ALG5: variants seen among roughly 807,000 people sequenced by gnomAD.
The protein encoded by ALG5 is dolichyl-phosphate beta-glucosyltransferase.
Under a neutral mutation model 51.8 loss-of-function variants are expected in ALG5, and 26 were observed. The observed-to-expected ratio is 0.50, with a 90% CI of 0.37 to 0.70. The LOEUF is 0.70. Among genes scored for constraint, ALG5 ranks in the 30% least tolerant of loss-of-function variants. ALG5 has a pLI of 0.00. For missense variants in ALG5, 311 were observed against 399.3 expected (o/e 0.78, Z 1.88); for synonymous variants, 141 against 136.1 (o/e 1.04, Z -0.25).
At chr13:36,974,375 T>G (rs1388072109) in intron 6 of ALG5, among the ~76,000 whole-genome samples, 2 of 152,186 alleles carry the variant, frequency 1.3e-5, no homozygotes, top group East Asian at 3.9e-4. Flanking sequence ...TATAAAAAAT[T>G]TGCAAGTATA....
At chr13:36,997,020 G>C (rs550272037) in intron 1 of ALG5, among the ~76,000 whole-genome samples, 58 of 152,212 alleles carry the variant, frequency 3.8e-4, no homozygotes, top group Non-Finnish European at 6.0e-4. Context: ...ATTTTTTCTT[G>C]ATTAAAAAAC....
intron 8 of ALG5, among the ~76,000 whole-genome samples, chr13:36,955,686 GAA>G (rs35130767): frequency 0.023 from 843 of 36,358 alleles, 2 homozygotes; most frequent in African/African-American, 0.031. Context: ...CAGAGATTGT[GAA>G]AAAAAAAAAA....
rs869027711 is a variant in ALG5 at position 36,977,790 on chromosome 13, C to CAAAAAAAAAAAA, written c.562-5766_562-5755dup. Reference sequence around the variant, plus strand: ...CTGGGCGACAGAGTGAGACTGTCTCCAAAAAAAAAAAAAAAAAAAAAAAAC... The same window carrying CAAAAAAAAAAAA: ...CTGGGCGACAGAGTGAGACTGTCTCCAAAAAAAAAAAAAAAAAAAAAAAAAAAAAAAAAAAAC... On this transcript the variant is annotated intron_variant, in intron 6 of 9. Transcript: ENST00000239891. Among the ~76,000 whole-genome samples, 2 of 39,172 alleles carry CAAAAAAAAAAAA rather than the reference C, an allele frequency of 5.1e-5. 1 individual carries two copies. The highest frequency in any genetic ancestry group is 2.7e-4 in the African/African-American group (2 of 7,424). 25.7% of individuals were successfully genotyped at this position (39,172 alleles called of 152,430 possible). A position where few individuals can be genotyped will look rare whatever the true frequency, so the allele number is the denominator to read the frequency against.
chr13:36,983,875 A>G (rs2138817129), intron 6 of ALG5, among the ~76,000 whole-genome samples: 1 of 152,212 alleles, frequency 6.6e-6, no homozygotes, highest in East Asian at 1.9e-4. Context: ...GAATTAAATA[A>G]ATATTTATTT....
chr13:36,977,152 A>G (rs1173706753), intron 6 of ALG5, among the ~76,000 whole-genome samples: 1 of 152,206 alleles, frequency 6.6e-6, no homozygotes, highest in African/African-American at 2.4e-5. Context: ...CCTGATACCA[A>G]TCTCACTATC....
chr13:36,955,760 T>C (rs757802367), intron 8 of ALG5, among the ~76,000 whole-genome samples: 4 of 144,422 alleles, frequency 2.8e-5, no homozygotes, highest in Non-Finnish European at 4.5e-5. Context: ...TTTCAATAGA[T>C]GGTGTTGGGA....
intron 5 of ALG5, among the ~76,000 whole-genome samples, chr13:36,986,069 T>A (rs185877409): frequency 6.6e-6 from 1 of 152,196 alleles, no homozygotes; most frequent in Non-Finnish European, 1.5e-5. Context: ...ATACATATTA[T>A]ATGTTTATCG....
At chr13:36,977,799 AAAAAAAAAAAAAAAAC>A (rs1482277344) in intron 6 of ALG5, among the ~76,000 whole-genome samples, 45 of 146,014 alleles carry the variant, frequency 3.1e-4, no homozygotes, top group African/African-American at 1.1e-3. Flanking sequence ...CCAAAAAAAA[AAAAAAAAAAAAAAAAC>A]AAAAACGGTG....
At chr13:36,994,834 C>T (rs530680292) in intron 3 of ALG5, among the ~76,000 whole-genome samples, 155 bp downstream of exon 3, 3 of 152,008 alleles carry the variant, frequency 2.0e-5, no homozygotes, top group South Asian at 2.1e-4. Context: ...TGCTACGTGC[C>T]GGGCTTATGG....
chr13:36,999,150 C>G (rs1330138428), intron 1 of ALG5, 85 bp downstream of exon 1: 5 of 1,273,652 alleles, frequency 3.9e-6, no homozygotes, highest in Non-Finnish European at 5.2e-6. Context: ...GAACTGGTAG[C>G]GCGGAGGAGG....
chr13:36,975,098 C>T (rs1304113143), intron 6 of ALG5, among the ~76,000 whole-genome samples: 1 of 152,152 alleles, frequency 6.6e-6, no homozygotes, highest in Non-Finnish European at 1.5e-5. Flanking sequence ...GTAGTCCCAG[C>T]CACTTGGGAG....
chr13:36,999,250 G>C lies in ALG5; in HGVS notation c.51C>G (p.Ala17=). Residue 17 remains alanine (A), a synonymous_variant, in exon 1 of 10, where the codon GCC becomes GCG. Transcript: ENST00000239891. Reference sequence around the variant, plus strand: ...CTGTTCTCACCAGTACGAGGGCTGCGGCCGCCAGCGCCGCGCCGAGCACCG... The same window carrying C: ...CTGTTCTCACCAGTACGAGGGCTGCCGCCGCCAGCGCCGCGCCGAGCACCG... The part of the protein sequence containing the change: ...QLAVLGAALA[A]AALVLISIVA... 1 of 1,580,662 alleles carries C rather than the reference G, an allele frequency of 6.3e-7. No homozygotes were observed. Among genetic ancestry groups the C allele is most frequent in the Non-Finnish European group, 8.6e-7 (1 of 1,166,366 alleles).
intron 8 of ALG5, among the ~76,000 whole-genome samples, chr13:36,953,103 G>C (rs2058825348): frequency 6.6e-6 from 1 of 152,114 alleles, no homozygotes; most frequent in African/African-American, 2.4e-5. Flanking sequence ...GGCCTTCCTT[G>C]TCTTTTCTGT....
chr13:36,954,664 C>A (rs1242893956), intron 8 of ALG5, among the ~76,000 whole-genome samples: 1 of 152,146 alleles, frequency 6.6e-6, no homozygotes, highest in East Asian at 1.9e-4. Context: ...TAGGGGGAAA[C>A]AGTATAAGGG....
intron 7 of ALG5, among the ~76,000 whole-genome samples, chr13:36,969,019 G>C (rs1477862307): frequency 2.0e-5 from 3 of 152,198 alleles, no homozygotes; most frequent in Non-Finnish European, 4.4e-5. Flanking sequence ...TGGGAATCAA[G>C]AACACTAAAC....
chr13:36,951,069 T>C (rs564915204), intron 9 of ALG5, among the ~76,000 whole-genome samples: 13 of 152,188 alleles, frequency 8.5e-5, no homozygotes, highest in Admixed American at 3.9e-4. Flanking sequence ...GTAGAGACAT[T>C]ATCGTTTATC....
intron 9 of ALG5, 140 bp from the exon 10 acceptor site, chr13:36,950,197 T>C: frequency 1.9e-6 from 1 of 539,240 alleles, no homozygotes; most frequent in Non-Finnish European, 3.2e-6. Context: ...AGTTAAACAA[T>C]TTCAAAGCTG....
intron 7 of ALG5, among the ~76,000 whole-genome samples, chr13:36,969,102 G>C (rs149258020): frequency 4.4e-4 from 67 of 152,266 alleles, no homozygotes; most frequent in African/African-American, 1.5e-3. Context: ...TGGTTCCTGC[G>C]ATTGATCCCT....
chr13:36,959,545 G>A (rs900832853), intron 8 of ALG5, among the ~76,000 whole-genome samples: 49 of 152,022 alleles, frequency 3.2e-4, no homozygotes, highest in African/African-American at 1.0e-3. Flanking sequence ...TTAAGGCCTA[G>A]AATTATAATA....
Sources: gnomAD v4.1 joint callset for allele counts (sites outside exome capture counted in the v4.1 genomes callset) on GRCh38, gnomAD v4.1.1 for gene constraint, MANE v1.5 for transcripts, NCBI Gene and HGNC (gene_info 2026-07-23, HGNC 2026-07-21) for gene names.